MAGT1: variants seen among roughly 807,000 people sequenced by gnomAD.
The protein encoded by MAGT1 is dolichyl-diphosphooligosaccharide--protein glycosyltransferase subunit MAGT1.
A neutral mutation model predicts 28.4 loss-of-function variants in MAGT1; 4 were observed. That is an observed-to-expected ratio of 0.14 (90% CI 0.07 to 0.32). The LOEUF (loss-of-function observed/expected upper bound fraction) is 0.32. Among genes scored for constraint, MAGT1 ranks in the 10% least tolerant of loss-of-function variants. The pLI, the probability that MAGT1 is intolerant of heterozygous loss-of-function variation, is 1.00. For synonymous variants in MAGT1, 89 were observed against 89.7 expected (o/e 0.99, Z 0.04); for missense variants, 193 against 264.5 (o/e 0.73, Z 1.88).
chrX:77,873,362 G>A (rs1178841101), intron 2 of MAGT1, among the ~76,000 whole-genome samples: 2 of 111,681 alleles, frequency 1.8e-5, no homozygotes, highest in Non-Finnish European at 3.8e-5. Flanking sequence ...GTCAGAATCT[G>A]GAGAACCTCC....
chrX:77,879,507 G>A (rs1409498989), intron 1 of MAGT1, among the ~76,000 whole-genome samples: 1 of 111,862 alleles, frequency 8.9e-6, no homozygotes, highest in Non-Finnish European at 1.9e-5. Context: ...ATCATGCAGT[G>A]GTTCATCATT....
chrX:77,835,596 C>G (rs1557213856), intron 8 of MAGT1, among the ~76,000 whole-genome samples: 1 of 111,240 alleles, frequency 9.0e-6, no homozygotes, highest in African/African-American at 3.3e-5. Context: ...GGGTATACAC[C>G]CACAGAAAAA....
At chrX:77,877,069 C>G (rs2077037470) in intron 1 of MAGT1, among the ~76,000 whole-genome samples, 1 of 93,837 alleles carries the variant, frequency 1.1e-5, no homozygotes, top group South Asian at 5.0e-4. Context: ...ATATACTTAA[C>G]TGTAAAACTA....
chrX:77,829,546 A>C (rs1384285012), intron 9 of MAGT1, among the ~76,000 whole-genome samples: 1 of 110,844 alleles, frequency 9.0e-6, no homozygotes, highest in Non-Finnish European at 1.9e-5. Flanking sequence ...CCCACGCTCA[A>C]GTGATCATTC....
At chrX:77,853,877 G>A (rs781821918) in intron 7 of MAGT1, 24 bp downstream of exon 7, 2 of 1,162,370 alleles carry the variant, frequency 1.7e-6, no homozygotes, top group Admixed American at 4.4e-5. Context: ...AATACAGCAA[G>A]AAAGACTTAT....
rs782124850 is a variant in MAGT1 at position 77,889,140 on chromosome X, A to ATT, written c.102+6167_102+6168dup. The stretch of plus-strand genomic sequence containing the variant: ...CAGGCACACACCACCATGCTCTGCT[A>ATT]TTTTTTTTTTTTTTTTTTTTGCTAG... On this transcript the variant is annotated intron_variant, in intron 1 of 9. Coordinates refer to ENST00000618282, the MANE Select transcript of MAGT1 (RefSeq NM_001367916.1). Among the ~76,000 whole-genome samples, 23 of 68,269 alleles carry ATT rather than the reference A, an allele frequency of 3.4e-4. 1 individual carries two copies. Among genetic ancestry groups the ATT allele is most frequent in the South Asian group, 2.1e-3 (3 of 1,414 alleles). 59.3% of individuals were successfully genotyped at this position (68,269 alleles called of 115,157 possible). A position where few individuals can be genotyped will look rare whatever the true frequency, so the allele number is the denominator to read the frequency against.
At chrX:77,848,491 G>C (rs1159554355) in intron 7 of MAGT1, among the ~76,000 whole-genome samples, 4 of 110,915 alleles carry the variant, frequency 3.6e-5, no homozygotes, top group Non-Finnish European at 7.5e-5. Flanking sequence ...TAAAAATATT[G>C]ACTACTTTTC....
intron 8 of MAGT1, chrX:77,837,514 T>TC (rs1336716339): frequency 9.0e-6 from 1 of 111,199 alleles, no homozygotes; most frequent in Non-Finnish European, 1.9e-5. Flanking sequence ...TGATCATAGC[T>TC]CACTGCAGCC....
intron 3 of MAGT1, among the ~76,000 whole-genome samples, chrX:77,864,762 CGGCTCACTACAACCTCCT>C (rs2077004117): frequency 9.1e-6 from 1 of 109,965 alleles, no homozygotes; most frequent in South Asian, 3.8e-4. Context: ...TGGAGTGCAG[CGGCTCACTACAACCTCCT>C]GGCTCACTAC....
intron 3 of MAGT1, among the ~76,000 whole-genome samples, chrX:77,863,207 T>C (rs1459627035): frequency 1.1e-4 from 12 of 108,677 alleles, no homozygotes; most frequent in African/African-American, 3.0e-4. Context: ...TAAATTAGTA[T>C]AGCCACTATG....
intron 1 of MAGT1, among the ~76,000 whole-genome samples, chrX:77,894,000 C>G (rs1338656135): frequency 1.8e-5 from 2 of 112,051 alleles, no homozygotes; most frequent in African/African-American, 6.5e-5. Context: ...TCGATAATCC[C>G]AACTGCCTAG....
intron 7 of MAGT1, among the ~76,000 whole-genome samples, chrX:77,843,533 T>G (rs2076941516): frequency 9.0e-6 from 1 of 111,572 alleles, no homozygotes; most frequent in Non-Finnish European, 1.9e-5. Flanking sequence ...AATGTGCCTG[T>G]GCCCCATCTT....
intron 8 of MAGT1, among the ~76,000 whole-genome samples, chrX:77,833,449 C>T (rs1166687602): frequency 8.9e-6 from 1 of 111,825 alleles, no homozygotes; most frequent in East Asian, 2.8e-4. Flanking sequence ...AGTTGATATA[C>T]TAGAGTGGAT....
chrX:77,853,257 T>C (rs2076973080), intron 7 of MAGT1, among the ~76,000 whole-genome samples: 1 of 111,926 alleles, frequency 8.9e-6, no homozygotes, highest in South Asian at 3.7e-4. Context: ...TGTCAAAATA[T>C]CCCCATCTTT....
At chrX:77,846,379 C>T (rs981119154) in intron 7 of MAGT1, among the ~76,000 whole-genome samples, 1 of 111,891 alleles carries the variant, frequency 8.9e-6, no homozygotes, top group African/African-American at 3.2e-5. Flanking sequence ...TGGGTTCGAA[C>T]TTCCTCCTTT....
intron 1 of MAGT1, among the ~76,000 whole-genome samples, chrX:77,882,882 A>G (rs1333329229): frequency 9.4e-6 from 1 of 106,495 alleles, no homozygotes; most frequent in African/African-American, 3.4e-5. Flanking sequence ...CAGGAGGATC[A>G]CTTGAGCCCA....
intron 3 of MAGT1, among the ~76,000 whole-genome samples, chrX:77,867,660 CAATCTCAAA>C (rs781994055): frequency 1.5e-5 from 1 of 66,430 alleles, no homozygotes; most frequent in African/African-American, 3.5e-5. Flanking sequence ...TAGCAAGACC[CAATCTCAAA>C]AACAAACAGC....
chrX:77,847,184 G>T (rs782335449), intron 7 of MAGT1, among the ~76,000 whole-genome samples: 2 of 112,526 alleles, frequency 1.8e-5, no homozygotes, highest in South Asian at 7.3e-4. Context: ...ATCTCAGACT[G>T]CTGTGCTAGC....
intron 3 of MAGT1, chrX:77,868,723 G>C: frequency 3.7e-6 from 1 of 271,321 alleles, no homozygotes; most frequent in Non-Finnish European, 7.0e-6. Context: ...GGGAGGCTGA[G>C]GCAGGAAAAT....
Sources: allele counts gnomAD v4.1 joint callset (sites outside exome capture counted in the v4.1 genomes callset), GRCh38; gene constraint gnomAD v4.1.1; transcripts MANE v1.5; gene names NCBI Gene and HGNC (gene_info 2026-07-23, HGNC 2026-07-21).